Variants in SV2B observed in about 807,000 individuals in gnomAD.
SV2B encodes solute carrier family 22 member B2.
A neutral mutation model predicts 73.9 loss-of-function variants in SV2B; 41 were observed. That is an observed-to-expected ratio of 0.56 (90% CI 0.43 to 0.72). SV2B has a LOEUF of 0.72. Among genes scored for constraint, SV2B ranks in the 30% least tolerant of loss-of-function variants. The probability of loss-of-function intolerance (pLI) is 0.00; values close to 1 mark genes in which losing one functional copy is unlikely to be tolerated. For synonymous variants in SV2B, 314 were observed against 314.2 expected, an observed-to-expected ratio of 1.00 and a Z score of 0.01; for missense variants, 764 against 857.8, an observed-to-expected ratio of 0.89 and a Z score of 1.37.
chr15:91,207,436 A>T (rs2045685326), intron 1 of SV2B, among the ~76,000 whole-genome samples: 1 of 152,144 alleles, frequency 6.6e-6, no homozygotes, highest in Non-Finnish European at 1.5e-5. Context: ...GACTCTTTCT[A>T]ATTCCTATAC....
At chr15:91,193,282 A>G (rs2045114037) in intron 1 of SV2B, among the ~76,000 whole-genome samples, 1 of 152,226 alleles carries the variant, frequency 6.6e-6, no homozygotes, top group Non-Finnish European at 1.5e-5. Context: ...TCCAGCACAT[A>G]GTAGTACGTC....
In SV2B at chr15:91,128,482, A is replaced by T. The variant is rs905190109; in HGVS notation, c.-392+28119A>T. On this transcript the variant is annotated intron_variant, in intron 1 of 12. Transcript: ENST00000394232. The surrounding 1 kb of genome is among the most constrained non-coding windows in gnomAD (Gnocchi z 4.2). ...TTGGCGCTCAGAAAACAATATCCAA[A>T]AATGAAGGCCTCAGAAGCGAAAGTG... 6.6e-6 allele frequency among the ~76,000 whole-genome samples: 1 copy of T among 152,158 alleles called. No individual in the cohort carries two copies. The highest frequency in any genetic ancestry group is 1.5e-5 in the Non-Finnish European group (1 of 68,026).
intron 11 of SV2B, among the ~76,000 whole-genome samples, chr15:91,286,433 T>C (rs2048863965): frequency 6.6e-6 from 1 of 152,186 alleles, no homozygotes; most frequent in Non-Finnish European, 1.5e-5. Flanking sequence ...CACTCATTTA[T>C]TCATCCAATA....
At chr15:91,172,092 T>C (rs767122930) in intron 1 of SV2B, among the ~76,000 whole-genome samples, 6 of 152,210 alleles carry the variant, frequency 3.9e-5, no homozygotes, top group Non-Finnish European at 7.3e-5. Context: ...AATTGGTATA[T>C]GTAAGTTACA....
chr15:91,143,350 C>T (rs1270154527), intron 1 of SV2B, among the ~76,000 whole-genome samples: 2 of 152,118 alleles, frequency 1.3e-5, no homozygotes, highest in Non-Finnish European at 2.9e-5. Flanking sequence ...TCATGCACAC[C>T]CAGGTCTGGG....
chr15:91,192,879 G>A (rs1254946250), intron 1 of SV2B, among the ~76,000 whole-genome samples: 1 of 152,202 alleles, frequency 6.6e-6, no homozygotes, highest in African/African-American at 2.4e-5. Context: ...CACCTGCTGT[G>A]CAGGCTCCTG....
In SV2B at chr15:91,245,879, G is replaced by A. The variant is rs1394846750; in HGVS notation, c.452-5940G>A. 6.6e-6 allele frequency among the ~76,000 whole-genome samples: 1 copy of A among 151,968 alleles called. No individual in the cohort carries two copies. Among genetic ancestry groups the A allele is most frequent in the African/African-American group, 2.4e-5 (1 of 41,380 alleles). On this transcript the variant is annotated intron_variant, in intron 2 of 12. Coordinates refer to ENST00000394232, the MANE Select transcript of SV2B (RefSeq NM_001323032.3). This position sits in a 1 kb window ranked among gnomAD's most constrained non-coding sequence, Gnocchi z 4.2. ...TTTTTTTTAACATTTTTAAAGGGTT[G>A]TAAATTTAGGAATAATAATATGATG...
chr15:91,182,219 C>G (rs1383557054), intron 1 of SV2B, among the ~76,000 whole-genome samples: 1 of 152,112 alleles, frequency 6.6e-6, no homozygotes, highest in Non-Finnish European at 1.5e-5. Context: ...TCAGTTCAAG[C>G]AAGAAGTGCT....
intron 1 of SV2B, among the ~76,000 whole-genome samples, chr15:91,183,095 G>A (rs2044644408): frequency 6.6e-6 from 1 of 152,208 alleles, no homozygotes; most frequent in African/African-American, 2.4e-5. Context: ...AATCAAAGGA[G>A]AAGGCATCAT....
Position 91,128,942 on chromosome 15 carries a change from T to A in SV2B, c.-392+28579T>A, listed in dbSNP as rs566629149. 19 of 152,384 alleles carry A rather than the reference T, an allele frequency of 1.2e-4. No individual in the cohort carries two copies. In the East Asian group the frequency reaches 3.7e-3, roughly 29 times the overall value. The allele number at this position is 152,384 out of a possible 1,614,324, so 9.4% of individuals were successfully genotyped here. ...CAATGGCCAATTTCCCTTGTGTCTT[T>A]GGGTCTTCATTCTGAAGGCTCCCGT... On this transcript the variant is annotated intron_variant, in intron 1 of 12. Coordinates refer to ENST00000394232, the MANE Select transcript of SV2B (RefSeq NM_001323032.3). The surrounding 1 kb of genome is among the most constrained non-coding windows in gnomAD (Gnocchi z 4.2).
intron 1 of SV2B, among the ~76,000 whole-genome samples, chr15:91,219,113 T>G (rs1050360984): frequency 2.6e-5 from 4 of 152,124 alleles, no homozygotes; most frequent in African/African-American, 9.7e-5. Context: ...CACACCCAGC[T>G]AATTTTTGTA....
intron 6 of SV2B, among the ~76,000 whole-genome samples, chr15:91,264,198 CCTT>C (rs2048024119): frequency 6.6e-6 from 1 of 152,240 alleles, no homozygotes; most frequent in Non-Finnish European, 1.5e-5. Flanking sequence ...TGGAAGGACT[CCTT>C]CTACACCAAC....
Position 91,146,045 on chromosome 15 carries a change from G to A in SV2B, c.-392+45682G>A, listed in dbSNP as rs566142830. Among the ~76,000 whole-genome samples, 5 of 152,182 alleles carry A rather than the reference G, an allele frequency of 3.3e-5. No individual in the cohort carries two copies. In the South Asian group the frequency reaches 1.0e-3, roughly 32 times the overall value. Reference sequence around the variant, plus strand: ...CATTGCTTTTGGTGTCTTCATCATAGAATCTTTGCCCATTCCTTTGTCCAG... The same window carrying A: ...CATTGCTTTTGGTGTCTTCATCATAAAATCTTTGCCCATTCCTTTGTCCAG... On this transcript the variant is annotated intron_variant, in intron 1 of 12. Coordinates refer to ENST00000394232, the MANE Select transcript of SV2B (RefSeq NM_001323032.3).
chr15:91,207,414 T>A (rs889789844), intron 1 of SV2B, among the ~76,000 whole-genome samples: 3 of 152,092 alleles, frequency 2.0e-5, no homozygotes, highest in African/African-American at 7.2e-5. Context: ...AGCAAAAAAC[T>A]GGCTCAGGAA....
At position 91,258,428 on chromosome 15, in the gene SV2B, C is replaced by A. The variant is rs1190652104; in HGVS notation, c.792C>A (p.Gly264=). The change falls in exon 5 of 13, where the codon GGC becomes GGA. Residue 264 remains glycine, a synonymous_variant. Coordinates refer to ENST00000394232, the MANE Select transcript of SV2B (RefSeq NM_001323032.3). The surrounding 1 kb of genome is among the most constrained non-coding windows in gnomAD (Gnocchi z 4.7). Reference sequence around the variant, plus strand: ...CTGACTGCTCCTTTGCAGGCTGGGGCTTCAGCATGGGGACCAATTACCACT... The same window carrying A: ...CTGACTGCTCCTTTGCAGGCTGGGGATTCAGCATGGGGACCAATTACCACT... The part of the protein sequence containing the change: ...AWSIIPHYGW[G]FSMGTNYHFH... 1 of 1,614,042 alleles carries A rather than the reference C, an allele frequency of 6.2e-7. No homozygotes were observed. The highest frequency in any genetic ancestry group is 1.1e-5 in the South Asian group (1 of 91,060).
chr15:91,139,241 T>C lies in SV2B; in HGVS notation c.-392+38878T>C, dbSNP rs559591629. Among the ~76,000 whole-genome samples the C allele has an allele frequency of 6.6e-6, 1 of 152,032 alleles. No homozygotes were observed. Among genetic ancestry groups the C allele is most frequent in the South Asian group, 2.1e-4 (1 of 4,814 alleles). ...GGGTAGGGGTATAGATGATATGAGA[T>C]TGGAATGAGTTGATAATTGTTCGAG... On this transcript the variant is annotated intron_variant, in intron 1 of 12. Coordinates refer to ENST00000394232, the MANE Select transcript of SV2B (RefSeq NM_001323032.3). This position sits in a 1 kb window ranked among gnomAD's most constrained non-coding sequence, Gnocchi z 5.2.
At chr15:91,192,506 T>C (rs529396029) in intron 1 of SV2B, among the ~76,000 whole-genome samples, 101 of 152,192 alleles carry the variant, frequency 6.6e-4, no homozygotes, top group Non-Finnish European at 1.0e-3. Flanking sequence ...AATGAGATAA[T>C]ATCAATATGG....
intron 1 of SV2B, among the ~76,000 whole-genome samples, chr15:91,156,480 T>G (rs924817300): frequency 2.6e-5 from 4 of 152,168 alleles, no homozygotes; most frequent in African/African-American, 9.7e-5. Context: ...AGCTCTAGCC[T>G]TAAACAAAAT....
chr15:91,179,859 G>A (rs2044477579), intron 1 of SV2B, among the ~76,000 whole-genome samples: 1 of 151,888 alleles, frequency 6.6e-6, no homozygotes, highest in African/African-American at 2.4e-5. Context: ...TTGCCAGTCT[G>A]TGTCTTTTAA....
Sources: gnomAD v4.1 joint callset for allele counts (sites outside exome capture counted in the v4.1 genomes callset) on GRCh38, gnomAD v4.1.1 for gene constraint, Gnocchi (gnomAD v3.1) non-coding constraint, MANE v1.5 for transcripts, NCBI Gene and HGNC (gene_info 2026-07-23, HGNC 2026-07-21) for gene names.